Variants in CNKSR3 observed in about 807,000 individuals in gnomAD.
The protein encoded by CNKSR3 is CNKSR family member 3, also known as connector enhancer of kinase suppressor of ras 3.
In CNKSR3, 36 loss-of-function variants were observed where a neutral mutation model predicts 67.7. The ratio of observed to expected loss-of-function variants is 0.53; its 90% confidence interval spans 0.41 to 0.70. CNKSR3 has a LOEUF of 0.70. CNKSR3 is among the 30% of genes least tolerant of loss of function. The pLI is 0.00. For missense variants in CNKSR3, 630 were observed against 695.2 expected (o/e 0.91, Z 1.05); for synonymous variants, 281 against 271.4 (o/e 1.04, Z -0.35).
chr6:154,432,632 T>C (rs954255960), intron 5 of CNKSR3, among the ~76,000 whole-genome samples: 4 of 152,238 alleles, frequency 2.6e-5, no homozygotes, highest in Non-Finnish European at 4.4e-5. Flanking sequence ...ATCTTTTAGA[T>C]GGTTTATAGT....
intron 1 of CNKSR3, among the ~76,000 whole-genome samples, chr6:154,507,090 G>C (rs1762523197): frequency 6.6e-6 from 1 of 152,212 alleles, no homozygotes; most frequent in Admixed American, 6.5e-5. Context: ...CCTCAAAGGT[G>C]GTGGTGCCTA....
intron 2 of CNKSR3, among the ~76,000 whole-genome samples, chr6:154,448,349 G>C (rs865927363): frequency 7.1e-6 from 1 of 140,154 alleles, no homozygotes; most frequent in African/African-American, 2.7e-5. Flanking sequence ...AAGTGAAAGA[G>C]ACAATTTGCA....
intron 1 of CNKSR3, among the ~76,000 whole-genome samples, chr6:154,471,375 T>G (rs1387788059): frequency 6.6e-6 from 1 of 152,052 alleles, no homozygotes; most frequent in Non-Finnish European, 1.5e-5. Flanking sequence ...CCATCTCTAC[T>G]AAAATTATAA....
chr6:154,503,281 C>G (rs1171552662), intron 1 of CNKSR3, among the ~76,000 whole-genome samples: 1 of 152,112 alleles, frequency 6.6e-6, no homozygotes, highest in Non-Finnish European at 1.5e-5. Context: ...CCACTGACCA[C>G]CCCACAACTC....
rs71021052 is a variant in CNKSR3 at position 154,390,798 on chromosome 6, CT to C, written c.*15555del. On this transcript the variant is annotated 3_prime_UTR_variant, in exon 13 of 13. Coordinates refer to ENST00000607772, the MANE Select transcript of CNKSR3 (RefSeq NM_173515.4). The stretch of plus-strand genomic sequence containing the variant: ...TCAGCAGCACTGGTTTCTTCTGAGG[CT>C]TTTTTTTTTTTTTTTTTTTGAGATG... The C allele has an allele frequency of 0.074, 7,630 of 102,580 alleles. 177 individuals are homozygous for C. Among genetic ancestry groups the C allele is most frequent in the Admixed American group, 0.17 (1,437 of 8,222 alleles). The allele number at this position is 102,580 out of a possible 1,614,324, so 6.4% of individuals were successfully genotyped here.
At chr6:154,428,897 C>T (rs894816909) in intron 6 of CNKSR3, among the ~76,000 whole-genome samples, 1 of 152,104 alleles carries the variant, frequency 6.6e-6, no homozygotes, top group Non-Finnish European at 1.5e-5. Flanking sequence ...CAGAAATAAC[C>T]TCAGAGTGAC....
chr6:154,459,400 A>G (rs1323430304), intron 1 of CNKSR3, among the ~76,000 whole-genome samples: 1 of 152,168 alleles, frequency 6.6e-6, no homozygotes, highest in Non-Finnish European at 1.5e-5. Flanking sequence ...ACTGATTTTG[A>G]GGATAAGGGA....
intron 2 of CNKSR3, among the ~76,000 whole-genome samples, chr6:154,447,620 G>A (rs78034058): frequency 0.031 from 4,667 of 152,232 alleles, 191 homozygotes; most frequent in East Asian, 0.19. Flanking sequence ...TTCATTAATA[G>A]CTGTTTCCTA....
chr6:154,455,623 T>C (rs1014247655), intron 1 of CNKSR3, among the ~76,000 whole-genome samples: 1 of 152,118 alleles, frequency 6.6e-6, no homozygotes, highest in Non-Finnish European at 1.5e-5. Context: ...GGTTTCACCA[T>C]GTTGGCCAGG....
At position 154,415,378 on chromosome 6, in the gene CNKSR3, G is replaced by A. The variant is rs570650314; in HGVS notation, c.946-955C>T. ...CCCAAGTAGCTGGGATTACAGGTGC[G>A]TGCCACCACACCCAGCTAATTTTTG... On this transcript the variant is annotated intron_variant, in intron 9 of 12. Transcript: ENST00000607772. 2.8e-4 allele frequency among the ~76,000 whole-genome samples: 43 copies of A among 151,822 alleles called. No individual in the cohort carries two copies. The South Asian group carries it at 6.0e-3, about 21-fold the overall frequency.
intron 2 of CNKSR3, among the ~76,000 whole-genome samples, chr6:154,444,946 G>C (rs1785678538): frequency 6.6e-6 from 1 of 152,052 alleles, no homozygotes; most frequent in African/African-American, 2.4e-5. Context: ...ATGTGGGCCA[G>C]AGAGAGGCAA....
At chr6:154,407,872 GAAAAAA>G (rs56406534) in intron 12 of CNKSR3, among the ~76,000 whole-genome samples, 8 of 68,662 alleles carry the variant, frequency 1.2e-4, no homozygotes, top group African/African-American at 4.6e-4. Context: ...TTTAGAATTT[GAAAAAA>G]AAAAAAAAAA....
chr6:154,460,963 A>G (rs10782333), intron 1 of CNKSR3, among the ~76,000 whole-genome samples: 99,924 of 152,020 alleles, frequency 0.66, 33,304 homozygotes, highest in East Asian at 0.77. Flanking sequence ...CACCTGAGCC[A>G]TCAGGATTTC....
At chr6:154,488,934 C>T (rs186698909) in intron 1 of CNKSR3, among the ~76,000 whole-genome samples, 185 of 152,268 alleles carry the variant, frequency 1.2e-3, no homozygotes, top group Non-Finnish European at 2.3e-3. Context: ...ACTGAGTGTA[C>T]GTTTAACCCC....
At chr6:154,487,500 G>C (rs1016711115) in intron 1 of CNKSR3, among the ~76,000 whole-genome samples, 2 of 152,174 alleles carry the variant, frequency 1.3e-5, no homozygotes, top group Admixed American at 6.5e-5. Flanking sequence ...AACTTGGGCA[G>C]CTCCTGAACA....
chr6:154,446,802 CTTTT>C (rs765120948), intron 2 of CNKSR3, among the ~76,000 whole-genome samples: 2 of 120,354 alleles, frequency 1.7e-5, no homozygotes, highest in African/African-American at 3.5e-5. Context: ...TCATACTTAT[CTTTT>C]TTTTTTTTTT....
intron 12 of CNKSR3, among the ~76,000 whole-genome samples, chr6:154,407,665 C>A (rs985360778): frequency 6.6e-6 from 1 of 151,798 alleles, no homozygotes; most frequent in African/African-American, 2.4e-5. Context: ...CACACCCAGC[C>A]GGTCTCGAAA....
intron 1 of CNKSR3, among the ~76,000 whole-genome samples, chr6:154,487,289 T>A (rs777473670): frequency 6.6e-6 from 1 of 152,316 alleles, no homozygotes; most frequent in Non-Finnish European, 1.5e-5. Context: ...GCAACAAAAG[T>A]AGCACCTAGG....
intron 10 of CNKSR3, among the ~76,000 whole-genome samples, chr6:154,413,222 G>GT (rs1335837618): frequency 1.3e-5 from 2 of 151,256 alleles, no homozygotes; most frequent in Non-Finnish European, 3.0e-5. Flanking sequence ...GAGTTTTTCT[G>GT]TTTTTTGTTT....
Sources: gnomAD v4.1 joint callset for allele counts (sites outside exome capture counted in the v4.1 genomes callset) on GRCh38, gnomAD v4.1.1 for gene constraint, MANE v1.5 for transcripts, NCBI Gene and HGNC (gene_info 2026-07-23, HGNC 2026-07-21) for gene names.